Variants in FER observed in about 807,000 individuals in gnomAD.
FER encodes FER tyrosine kinase.
FER carries 63 observed loss-of-function variants against 111.0 expected under a neutral mutation model. The observed-to-expected ratio is 0.57, with a 90% CI of 0.46 to 0.70. FER has a LOEUF of 0.70. Among genes scored for constraint, FER ranks in the 30% least tolerant of loss-of-function variants. FER has a pLI of 0.00. For missense variants in FER, 914 were observed against 954.0 expected (o/e 0.96, Z 0.55); for synonymous variants, 327 against 313.9 (o/e 1.04, Z -0.44).
At chr5:108,761,541 A>G (rs1479324944) in intron 1 of FER, among the ~76,000 whole-genome samples, 2 of 152,208 alleles carry the variant, frequency 1.3e-5, no homozygotes, top group Non-Finnish European at 2.9e-5. Context: ...CTGATCACAG[A>G]TGACCATAAA....
chr5:109,058,041 A>G (rs1390569089), intron 16 of FER, among the ~76,000 whole-genome samples: 1 of 152,312 alleles, frequency 6.6e-6, no homozygotes, highest in East Asian at 1.9e-4. Flanking sequence ...GATTTATCCC[A>G]GGACTGAAAG....
At chr5:108,939,856 G>C (rs1756019718) in intron 10 of FER, among the ~76,000 whole-genome samples, 1 of 151,944 alleles carries the variant, frequency 6.6e-6, no homozygotes, top group African/African-American at 2.4e-5. Context: ...AACAAAAGGA[G>C]CTCTGATAAG....
At chr5:108,893,509 TAGG>T (rs898764712) in intron 9 of FER, among the ~76,000 whole-genome samples, 2 of 152,020 alleles carry the variant, frequency 1.3e-5, no homozygotes, top group African/African-American at 4.8e-5. Flanking sequence ...TTCCTAGAAG[TAGG>T]AGGTCTTGGG....
At chr5:108,846,460 G>T (rs1438382616) in intron 5 of FER, among the ~76,000 whole-genome samples, 1 of 151,722 alleles carries the variant, frequency 6.6e-6, no homozygotes, top group Admixed American at 6.6e-5. Context: ...TACTTAGTTT[G>T]TTTCTTTTTA....
chr5:108,962,959 T>C (rs1057190231), intron 13 of FER, among the ~76,000 whole-genome samples: 1 of 152,140 alleles, frequency 6.6e-6, no homozygotes, highest in African/African-American at 2.4e-5. Flanking sequence ...AATATGAATG[T>C]GAGTTTAAGG....
chr5:108,834,446 C>A (rs568740103), intron 4 of FER, among the ~76,000 whole-genome samples: 96 of 152,000 alleles, frequency 6.3e-4, no homozygotes, highest in Admixed American at 2.9e-3. Context: ...GCCTGTAATC[C>A]CAGCACTTTG....
intron 17 of FER, among the ~76,000 whole-genome samples, chr5:109,102,212 ACTTTG>A (rs988170839): frequency 1.3e-5 from 2 of 151,994 alleles, no homozygotes; most frequent in African/African-American, 4.8e-5. Context: ...TGTTTTTCCC[ACTTTG>A]CTTTTTAAGA....
intron 17 of FER, among the ~76,000 whole-genome samples, chr5:109,103,823 A>G (rs1748557967): frequency 6.6e-6 from 1 of 152,218 alleles, no homozygotes. Context: ...CAGGATTGAC[A>G]TACTTGATAT....
At chr5:108,784,104 G>C (rs1407306252) in intron 2 of FER, 1 of 154,506 alleles carries the variant, frequency 6.5e-6, no homozygotes, top group East Asian at 1.9e-4. Flanking sequence ...CATCATGACT[G>C]AGCAGATGAC....
At chr5:108,948,926 G>T (rs1255384715) in intron 11 of FER, among the ~76,000 whole-genome samples, 1 of 152,020 alleles carries the variant, frequency 6.6e-6, no homozygotes, top group Admixed American at 6.6e-5. Context: ...GATAACAGAA[G>T]AATTATTAAA....
At chr5:108,935,735 G>T (rs963151554) in intron 10 of FER, among the ~76,000 whole-genome samples, 1 of 151,880 alleles carries the variant, frequency 6.6e-6, no homozygotes, top group Non-Finnish European at 1.5e-5. Flanking sequence ...AATATTTCGG[G>T]ACTGGAAGAT....
At chr5:109,053,382 C>CAAAAAA (rs779550084) in intron 16 of FER, among the ~76,000 whole-genome samples, 1 of 80,210 alleles carries the variant, frequency 1.2e-5, no homozygotes, top group African/African-American at 4.7e-5. Flanking sequence ...GACTCCGTCT[C>CAAAAAA]AAAAAAAAAA....
At chr5:108,994,882 G>A (rs191979733) in intron 13 of FER, among the ~76,000 whole-genome samples, 51 of 152,180 alleles carry the variant, frequency 3.4e-4, no homozygotes, top group African/African-American at 1.0e-3. Context: ...ATTGTGAATG[G>A]GACTTCATTC....
chr5:109,119,136 G>A (rs1015227829), intron 17 of FER, among the ~76,000 whole-genome samples: 15 of 151,956 alleles, frequency 9.9e-5, no homozygotes, highest in African/African-American at 3.6e-4. Flanking sequence ...GCTTTCTCTT[G>A]TGGGCATTTA....
At chr5:108,760,937 C>CTTTTTTTTTTTTTTT (rs55751843) in intron 1 of FER, among the ~76,000 whole-genome samples, 1 of 147,290 alleles carries the variant, frequency 6.8e-6, no homozygotes, top group African/African-American at 2.5e-5. Flanking sequence ...CTTTTCTTTT[C>CTTTTTTTTTTTTTTT]TTTTTTTTTT....
intron 10 of FER, among the ~76,000 whole-genome samples, chr5:108,936,688 A>G (rs1755523593): frequency 6.6e-6 from 1 of 152,016 alleles, no homozygotes; most frequent in Non-Finnish European, 1.5e-5. Context: ...GGTAATTGGT[A>G]ATGTTGGGAT....
At chr5:108,767,850 G>C (rs1752490783) in intron 1 of FER, among the ~76,000 whole-genome samples, 1 of 152,314 alleles carries the variant, frequency 6.6e-6, no homozygotes, top group South Asian at 2.1e-4. Context: ...CTTGAAAACT[G>C]AGGGAATAGG....
chr5:109,074,007 C>A (rs1776049841), intron 16 of FER, among the ~76,000 whole-genome samples: 2 of 152,004 alleles, frequency 1.3e-5, no homozygotes, highest in South Asian at 4.1e-4. Flanking sequence ...AAACACTTAT[C>A]CTGTCTTACT....
chr5:108,796,584 G>T (rs1431662019), intron 2 of FER, among the ~76,000 whole-genome samples: 1 of 152,092 alleles, frequency 6.6e-6, no homozygotes, highest in African/African-American at 2.4e-5. Context: ...CTCAAGCCAT[G>T]AGACAAAGTC....
Sources: allele counts gnomAD v4.1 joint callset (sites outside exome capture counted in the v4.1 genomes callset), GRCh38; gene constraint gnomAD v4.1.1; transcripts MANE v1.5; gene names NCBI Gene and HGNC (gene_info 2026-07-23, HGNC 2026-07-21).